The following PKD1L1 variants were observed in gnomAD, a reference collection of about 807,000 sequenced individuals.
PKD1L1 encodes the protein polycystin 1 like 1, transient receptor potential channel interacting.
In PKD1L1, 236 loss-of-function variants were observed where a neutral mutation model predicts 323.4. That is an observed-to-expected ratio of 0.73 (90% CI 0.66 to 0.81). The LOEUF is 0.81. Ranked by LOEUF, PKD1L1 falls within the 40% of genes least tolerant of loss-of-function variation. The pLI is 0.00. For missense variants in PKD1L1, 3,320 were observed against 3,508.0 expected (o/e 0.95, Z 1.35); for synonymous variants, 1,344 against 1,335.0 (o/e 1.01, Z -0.15).
chr7:47,880,278 A>ATTTTTTTTTTT (rs1562970489), intron 21 of PKD1L1, among the ~76,000 whole-genome samples: 1 of 73,630 alleles, frequency 1.4e-5, no homozygotes, highest in African/African-American at 7.2e-5. Context: ...ATATATATAT[A>ATTTTTTTTTTT]TATATATTTT....
chr7:47,892,572 G>A (rs1198759907), intron 15 of PKD1L1, among the ~76,000 whole-genome samples: 1 of 152,168 alleles, frequency 6.6e-6, no homozygotes, highest in Non-Finnish European at 1.5e-5. Context: ...TGGGAGGTGG[G>A]TGAGGGATGA....
chr7:47,857,743 C>T lies in PKD1L1; in HGVS notation c.4452G>A (p.Leu1484=). Residue 1484 remains leucine (L), a synonymous_variant, in exon 28 of 57, where the codon CTG becomes CTA. Transcript: ENST00000289672. ...CAGGTAAATGCACCTGGACAGATCC[C>T]AGGCTCTGGACAGAGCTCTGAAGGT... is the stretch of plus-strand genomic sequence containing the variant. The part of the protein sequence containing the change: ...HYNLQSSVQS[L]GSVQVHLPGD... The T allele has an allele frequency of 6.2e-7, 1 of 1,614,094 alleles. No individual in the cohort carries two copies. The highest frequency in any genetic ancestry group is 1.1e-5 in the South Asian group (1 of 91,080).
chr7:47,897,790 T>C (rs1401863958), intron 14 of PKD1L1, among the ~76,000 whole-genome samples, 198 bp downstream of exon 14: 1 of 152,238 alleles, frequency 6.6e-6, no homozygotes, highest in Non-Finnish European at 1.5e-5. Context: ...TTGCTTTGAC[T>C]GCATTTGAAC....
chr7:47,809,673 C>A, intron 50 of PKD1L1, 96 bp from the exon 51 acceptor site: 1 of 835,488 alleles, frequency 1.2e-6, no homozygotes, highest in Non-Finnish European at 1.8e-6. Context: ...TGCCAATCAC[C>A]TTTGAGTAGC....
At chr7:47,828,857 A>C in intron 44 of PKD1L1, among the ~76,000 whole-genome samples, 1 of 152,188 alleles carries the variant, frequency 6.6e-6, no homozygotes, top group Non-Finnish European at 1.5e-5. Flanking sequence ...CCTTGGTCGT[A>C]AGTGACTTGT....
the PKD1L1 span, among the ~76,000 whole-genome samples, chr7:47,959,693 A>G: frequency 1.5e-5 from 2 of 130,406 alleles, 1 homozygote; most frequent in Admixed American, 1.5e-4. Flanking sequence ...TCCGGGAGGG[A>G]GGTGGGGGGG....
chr7:47,840,621 G>T lies in PKD1L1; in HGVS notation c.5446-54C>A. On this transcript the variant is annotated intron_variant, in intron 34 of 56. Coordinates refer to ENST00000289672, the MANE Select transcript of PKD1L1 (RefSeq NM_138295.5). This position sits in a 1 kb window ranked among gnomAD's most constrained non-coding sequence, Gnocchi z 4.1. ...CAGGCTATTTCACAGCAGACACCAT[G>T]CAATGCTGGGCAGGGCTTCCTCGCA... 7.5e-7 allele frequency: 1 copy of T among 1,338,386 alleles called. No individual in the cohort carries two copies. Among genetic ancestry groups the T allele is most frequent in the Non-Finnish European group, 1.1e-6 (1 of 935,022 alleles). 82.9% of individuals were successfully genotyped at this position (1,338,386 alleles called of 1,614,324 possible).
At chr7:47,942,745 C>T (rs916837163) in intron 2 of PKD1L1, among the ~76,000 whole-genome samples, 2 of 152,136 alleles carry the variant, frequency 1.3e-5, no homozygotes, top group African/African-American at 4.8e-5. Context: ...TCTGGGAGGC[C>T]CCACTTACAG....
rs1008998386 is a variant in PKD1L1 at position 47,792,699 on chromosome 7, T to C, written c.8454A>G (p.Thr2818=). 2 of 1,614,034 alleles carry C rather than the reference T, an allele frequency of 1.2e-6. No homozygotes were observed. Among genetic ancestry groups the C allele is most frequent in the Admixed American group, 1.7e-5 (1 of 60,002 alleles). Residue 2818 remains threonine (T), a synonymous_variant, in exon 56 of 57, where the codon ACA becomes ACG. Transcript: ENST00000289672. The part of the protein sequence containing the change: ...DSLQLPLLEK[T]SNNTGEARTE... ...TCCTTGCCTCCCCTGTGTTGTTGGA[T>C]GTTTTTTCCAGAAGGGGGAGTTGTA...
chr7:47,855,047 C>A lies in PKD1L1; in HGVS notation c.4702-8G>T, dbSNP rs373799413. 320 of 1,609,178 alleles carry A rather than the reference C, an allele frequency of 2.0e-4. 1 individual carries two copies. Among genetic ancestry groups the A allele is most frequent in the Non-Finnish European group, 2.4e-4 (286 of 1,177,768 alleles). ...TTTATTTCTCCTATTATCCTGTCAT[C>A]ACAAAGAAAACAAGTTAAGCAAAAT... On this transcript the variant is annotated splice_region_variant and splice_polypyrimidine_tract_variant and intron_variant, in intron 29 of 56. Coordinates refer to ENST00000289672, the MANE Select transcript of PKD1L1 (RefSeq NM_138295.5).
chr7:47,837,026 G>A lies in PKD1L1; in HGVS notation c.5838C>T (p.Pro1946=). The A allele has an allele frequency of 1.2e-6, 2 of 1,614,120 alleles. No homozygotes were observed. Among genetic ancestry groups the A allele is most frequent in the Non-Finnish European group, 1.7e-6 (2 of 1,180,028 alleles). Residue 1946 remains proline, a synonymous_variant, in exon 37 of 57, where the codon CCC becomes CCT. Coordinates refer to ENST00000289672, the MANE Select transcript of PKD1L1 (RefSeq NM_138295.5). ...GCGTGTGCAGGTAGCGGCTGGAGGAGGGCCTGCTGTACACCGACAGCCAGA... is the reference window on the plus strand; with the variant it reads ...GCGTGTGCAGGTAGCGGCTGGAGGAAGGCCTGCTGTACACCGACAGCCAGA... ...FHVWLSVYSR[P]SSSRYLHTPR...
rs1786397935 is a variant in PKD1L1 at position 47,876,103 on chromosome 7, A to G, written c.3778T>C (p.Tyr1260His). The change falls in exon 23 of 57, where the codon TAC becomes CAC. Residue 1260 changes from tyrosine (Y) to histidine (H), a missense_variant. Transcript: ENST00000289672. ...VLPAGEHLDN[Y>H]KVMVSTEITD... is the part of the protein sequence containing the mutation. ...AACTGGCACCATAGCTTACCTTTGT[A>G]ATTGTCCAAGTGCTCACCAGCTGGC... 6.2e-7 allele frequency: 1 copy of G among 1,613,904 alleles called. No homozygotes were observed. Among genetic ancestry groups the G allele is most frequent in the Non-Finnish European group, 8.5e-7 (1 of 1,179,928 alleles).
rs575604919 is a variant in PKD1L1, at chr7:47,826,002, G to C, written c.6854+1348C>G. ...CCCCAGAGGGCTACGTCCTGGCAGA[G>C]CTGGGTTTGGTTAGTTCTGAGGGCT... On this transcript the variant is annotated intron_variant, in intron 45 of 56. Coordinates refer to ENST00000289672, the MANE Select transcript of PKD1L1 (RefSeq NM_138295.5). Among the ~76,000 whole-genome samples the C allele has an allele frequency of 2.0e-5, 3 of 152,198 alleles. 1 individual carries two copies. In the South Asian group the frequency reaches 6.2e-4, roughly 32 times the overall value.
chr7:47,829,109 T>C (rs961669088), intron 44 of PKD1L1, among the ~76,000 whole-genome samples: 2 of 152,172 alleles, frequency 1.3e-5, no homozygotes, highest in Non-Finnish European at 2.9e-5. Flanking sequence ...TTCTGTGGGT[T>C]CACTGAAGGG....
chr7:47,784,542 G>A (rs910773213), intron 56 of PKD1L1, among the ~76,000 whole-genome samples: 17 of 151,360 alleles, frequency 1.1e-4, no homozygotes, highest in African/African-American at 3.9e-4. Context: ...GTGCTATCTC[G>A]GCTCACTGCA....
chr7:47,914,819 G>A (rs928155790), intron 8 of PKD1L1, among the ~76,000 whole-genome samples: 2 of 151,782 alleles, frequency 1.3e-5, no homozygotes, highest in African/African-American at 2.4e-5. Context: ...TGAGGACCAC[G>A]GAAAAGGGTG....
In PKD1L1 at chr7:47,864,155, G is replaced by A. The variant is rs115028029; in HGVS notation, c.4149+1061C>T. 2.7e-3 allele frequency among the ~76,000 whole-genome samples: 410 copies of A among 152,264 alleles called. 5 individuals are homozygous for A. Among genetic ancestry groups the A allele is most frequent in the African/African-American group, 8.7e-3 (362 of 41,550 alleles). On this transcript the variant is annotated intron_variant, in intron 26 of 56. Coordinates refer to ENST00000289672, the MANE Select transcript of PKD1L1 (RefSeq NM_138295.5). The stretch of plus-strand genomic sequence containing the variant: ...CCGCCTGCACCCATGCAGGCTAGGC[G>A]TTGTCCAACACTGGGGCACCCGTCA...
At chr7:47,848,427 A>G (rs189628929) in intron 31 of PKD1L1, among the ~76,000 whole-genome samples, 1 of 152,248 alleles carries the variant, frequency 6.6e-6, no homozygotes, top group Admixed American at 6.5e-5. Flanking sequence ...CACAATGCAA[A>G]TGAGTGTAAG....
chr7:47,835,320 A>T, intron 37 of PKD1L1, 77 bp from the exon 38 acceptor site: 14 of 837,170 alleles, frequency 1.7e-5, no homozygotes, highest in Non-Finnish European at 2.5e-5. Context: ...TGTAATTACA[A>T]ATACATGTAA....
Sources: gnomAD v4.1 joint callset for allele counts (sites outside exome capture counted in the v4.1 genomes callset) on GRCh38, gnomAD v4.1.1 for gene constraint, Gnocchi (gnomAD v3.1) non-coding constraint, MANE v1.5 for transcripts, NCBI Gene and HGNC (gene_info 2026-07-23, HGNC 2026-07-21) for gene names.